The following PRKCD variants were observed in gnomAD, a reference collection of about 807,000 sequenced individuals.
PRKCD encodes the protein protein kinase C delta type.
Under a neutral mutation model 82.2 loss-of-function variants are expected in PRKCD, and 20 were observed. The observed-to-expected ratio is 0.24, with a 90% CI of 0.17 to 0.35. The LOEUF (loss-of-function observed/expected upper bound fraction) is 0.35, where lower values mean the gene tolerates loss of function less well. Among genes scored for constraint, PRKCD ranks in the 10% least tolerant of loss-of-function variants. The probability of loss-of-function intolerance (pLI) is 1.00; values close to 1 mark genes in which losing one functional copy is unlikely to be tolerated. For synonymous variants in PRKCD, 317 were observed against 337.0 expected, an observed-to-expected ratio of 0.94 and a Z score of 0.65; for missense variants, 607 against 899.0, an observed-to-expected ratio of 0.68 and a Z score of 4.15.
rs184990399 is a variant in PRKCD, at chr3:53,191,281, A to G, written c.1873-827A>G. 4.1e-3 allele frequency among the ~76,000 whole-genome samples: 619 copies of G among 152,146 alleles called. 4 individuals carry two copies. Among genetic ancestry groups the G allele is most frequent in the African/African-American group, 0.014 (593 of 41,502 alleles). ...AAATTAGCCGGGTACGGTGGTGCAC[A>G]CCTGTAATCCCAGCTACTCAGGAGG... On this transcript the variant is annotated intron_variant, in intron 18 of 18. Transcript: ENST00000330452.
chr3:53,183,721 T>G (rs1703558901), intron 9 of PRKCD, 140 bp downstream of exon 9: 3 of 1,241,558 alleles, frequency 2.4e-6, no homozygotes, highest in Non-Finnish European at 3.3e-6. Flanking sequence ...GGTGAGGCCT[T>G]GGTGGACCCT....
chr3:53,183,072 C>A, intron 7 of PRKCD, 49 bp from the exon 8 acceptor site: 1 of 1,586,660 alleles, frequency 6.3e-7, no homozygotes, highest in Non-Finnish European at 8.7e-7. Flanking sequence ...ATAGACTCTG[C>A]CCCTCCCGGT....
chr3:53,192,343 G>A lies in PRKCD; in HGVS notation c.*77G>A. On this transcript the variant is annotated 3_prime_UTR_variant, in exon 19 of 19. Transcript: ENST00000330452. ...CCCCACGATAAGCACCAGTGGGACTGTGGTGACTTCTGCTGCTGGCCCCGC... is the reference window on the plus strand; with the variant it reads ...CCCCACGATAAGCACCAGTGGGACTATGGTGACTTCTGCTGCTGGCCCCGC... The A allele has an allele frequency of 6.5e-7, 1 of 1,546,128 alleles. No individual in the cohort carries two copies. The highest frequency in any genetic ancestry group is 8.9e-7 in the Non-Finnish European group (1 of 1,125,370).
intron 2 of PRKCD, among the ~76,000 whole-genome samples, chr3:53,174,765 C>T (rs1490986075): frequency 6.6e-6 from 1 of 152,190 alleles, no homozygotes; most frequent in African/African-American, 2.4e-5. Flanking sequence ...TTGGGTCTGA[C>T]GCTATGGTTA....
chr3:53,178,326 G>T (rs879995253), intron 2 of PRKCD, 78 bp from the exon 3 acceptor site: 84 of 836,120 alleles, frequency 1.0e-4, no homozygotes, highest in South Asian at 8.2e-4. Context: ...CCCTGGGGGA[G>T]CGGGTCCCTG....
intron 2 of PRKCD, among the ~76,000 whole-genome samples, chr3:53,174,018 C>T (rs781823800): frequency 2.6e-5 from 4 of 152,226 alleles, no homozygotes; most frequent in African/African-American, 4.8e-5. Context: ...GCTGCAACAT[C>T]GGGCAGGCCT....
chr3:53,186,803 C>T, intron 14 of PRKCD, 108 bp downstream of exon 14: 1 of 1,170,962 alleles, frequency 8.5e-7, no homozygotes, highest in Non-Finnish European at 1.2e-6. Flanking sequence ...CCTAGAAAAG[C>T]CAGCCTGGGC....
At position 53,169,386 on chromosome 3, in the gene PRKCD, G is replaced by T. The variant is rs1702943486; in HGVS notation, c.-20+4171G>T. On this transcript the variant is annotated intron_variant, in intron 2 of 18. Coordinates refer to ENST00000330452, the MANE Select transcript of PRKCD (RefSeq NM_006254.4). The surrounding 1 kb of genome is among the most constrained non-coding windows in gnomAD (Gnocchi z 4.7). ...CTAAGGGGTGGGGGAGCATTTGAGAGGCCCACGAACAGGACTGGGATGGCT... is the reference window on the plus strand; with the variant it reads ...CTAAGGGGTGGGGGAGCATTTGAGATGCCCACGAACAGGACTGGGATGGCT... 1.3e-5 allele frequency among the ~76,000 whole-genome samples: 2 copies of T among 152,152 alleles called. No homozygotes were observed. The highest frequency in any genetic ancestry group is 4.8e-5 in the African/African-American group (2 of 41,428).
chr3:53,186,112 G>C (rs189341769), intron 12 of PRKCD, 55 bp from the exon 13 acceptor site: 8 of 1,607,470 alleles, frequency 5.0e-6, no homozygotes, highest in African/African-American at 1.3e-5. Flanking sequence ...TCTGTGAATC[G>C]GGCTGTGGCC....
intron 18 of PRKCD, among the ~76,000 whole-genome samples, chr3:53,191,805 G>T (rs1703933938): frequency 6.6e-6 from 1 of 152,144 alleles, no homozygotes. Flanking sequence ...TTCTTAGCTT[G>T]TGGTCCCCAC....
At chr3:53,188,612 C>A (rs1423228794) in intron 15 of PRKCD, 108 bp from the exon 16 acceptor site, 4 of 1,405,146 alleles carry the variant, frequency 2.8e-6, no homozygotes, top group Non-Finnish European at 3.9e-6. Flanking sequence ...TCCCTTGTAC[C>A]CTTGGGGACA....
rs781949983 is a variant in PRKCD at position 53,178,551 on chromosome 3, C to G, written c.115+14C>G. On this transcript the variant is annotated intron_variant, in intron 3 of 18. Transcript: ENST00000330452. ...CGCTCAGCACAGGTAGGCCTGGAGG[C>G]TGGACCCTGGAGAGGGGCTGGGAAT... 4.6e-5 allele frequency: 74 copies of G among 1,605,716 alleles called. No homozygotes were observed. The Admixed American group carries it at 1.2e-3, about 26-fold the overall frequency.
chr3:53,162,277 G>GGGC (rs1274783710), intron 1 of PRKCD, among the ~76,000 whole-genome samples: 22 of 152,166 alleles, frequency 1.4e-4, no homozygotes, highest in African/African-American at 5.3e-4. Context: ...GGTCGGGGGG[G>GGGC]GGGGTCCTCC....
Position 53,178,486 on chromosome 3 carries a change from G to C in PRKCD, c.64G>C (p.Glu22Gln). 6.2e-7 allele frequency: 1 copy of C among 1,613,208 alleles called. No individual in the cohort carries two copies. Among genetic ancestry groups the C allele is most frequent in the Non-Finnish European group, 8.5e-7 (1 of 1,179,926 alleles). Residue 22 changes from glutamate to glutamine, a missense_variant, in exon 3 of 19, where the codon GAG (glutamate) becomes CAG (glutamine). Coordinates refer to ENST00000330452, the MANE Select transcript of PRKCD (RefSeq NM_006254.4). ...YELGSLQAED[E>Q]ANQPFCAVKM... ...GCTGGGCTCCCTGCAGGCCGAGGAC[G>C]AGGCGAACCAGCCCTTCTGTGCCGT...
At chr3:53,187,451 CCAT>C in intron 15 of PRKCD, 49 bp downstream of exon 15, 1 of 1,588,304 alleles carries the variant, frequency 6.3e-7, no homozygotes, top group Non-Finnish European at 8.6e-7. Flanking sequence ...GGCTCCAGCC[CCAT>C]CATATCTTCT....
chr3:53,170,802 G>A (rs1411566349), intron 2 of PRKCD, among the ~76,000 whole-genome samples: 5 of 152,226 alleles, frequency 3.3e-5, no homozygotes, highest in African/African-American at 1.2e-4. Flanking sequence ...GTGTCTGCCT[G>A]GAGCATCTCT....
At position 53,178,400 on chromosome 3, in the gene PRKCD, A is replaced by C. The variant is rs113522578; in HGVS notation, c.-19-4A>C. ...CGCCTGGCCTCACCCCTCTGTGTGC[A>C]CAGCCCCACTGCAGGCCCCACCATG... is the stretch of plus-strand genomic sequence containing the variant. On this transcript the variant is annotated splice_polypyrimidine_tract_variant and splice_region_variant and intron_variant, in intron 2 of 18. Transcript: ENST00000330452. 1.2e-6 allele frequency: 2 copies of C among 1,601,774 alleles called. No homozygotes were observed. The highest frequency in any genetic ancestry group is 1.7e-5 in the Admixed American group (1 of 59,764).
intron 2 of PRKCD, among the ~76,000 whole-genome samples, chr3:53,174,629 GC>G (rs1197686347): frequency 6.6e-6 from 1 of 152,202 alleles, no homozygotes; most frequent in Non-Finnish European, 1.5e-5. Flanking sequence ...GCTCAGAGAG[GC>G]CCAGGACCTC....
At chr3:53,162,390 T>G (rs948844453) in intron 1 of PRKCD, among the ~76,000 whole-genome samples, 1 of 152,118 alleles carries the variant, frequency 6.6e-6, no homozygotes, top group South Asian at 2.1e-4. Context: ...GAGCCCCGCC[T>G]TAAACCTGGT....
Sources: gnomAD v4.1 joint callset for allele counts (sites outside exome capture counted in the v4.1 genomes callset) on GRCh38, gnomAD v4.1.1 for gene constraint, Gnocchi (gnomAD v3.1) non-coding constraint, MANE v1.5 for transcripts, NCBI Gene and HGNC (gene_info 2026-07-23, HGNC 2026-07-21) for gene names.